XRN1: variants seen among roughly 807,000 people sequenced by gnomAD.
XRN1 encodes strand-exchange protein 1 homolog.
XRN1 carries 67 observed loss-of-function variants against 222.3 expected under a neutral mutation model. The ratio of observed to expected loss-of-function variants is 0.30; its 90% confidence interval spans 0.25 to 0.37. XRN1 has a LOEUF of 0.37. Among genes scored for constraint, XRN1 ranks in the 10% least tolerant of loss-of-function variants. XRN1 has a pLI of 1.00. For missense variants in XRN1, 1,707 were observed against 2,000.2 expected (o/e 0.85, Z 2.80); for synonymous variants, 643 against 652.4 (o/e 0.99, Z 0.22).
intron 29 of XRN1, among the ~76,000 whole-genome samples, chr3:142,362,830 G>A (rs1176761723): frequency 6.7e-6 from 1 of 149,916 alleles, no homozygotes; most frequent in East Asian, 2.0e-4. Context: ...GAGTGCAGTG[G>A]TGCAATCATG....
chr3:142,431,996 G>GTATATATTATATAT (rs1559880263), intron 2 of XRN1, among the ~76,000 whole-genome samples: 4 of 33,424 alleles, frequency 1.2e-4, no homozygotes, highest in African/African-American at 9.4e-4. Flanking sequence ...ATAATATATT[G>GTATATATTATATAT]TATATATATA....
chr3:142,365,625 A>G (rs1376793352), intron 27 of XRN1, among the ~76,000 whole-genome samples: 4 of 152,158 alleles, frequency 2.6e-5, no homozygotes, highest in African/African-American at 4.8e-5. Flanking sequence ...ATGCAAAATT[A>G]TAAGTATATA....
chr3:142,407,247 G>A (rs1196889424), intron 15 of XRN1, among the ~76,000 whole-genome samples: 1 of 152,178 alleles, frequency 6.6e-6, no homozygotes, highest in Admixed American at 6.5e-5. Flanking sequence ...CCTGGCAAAC[G>A]TGTCATTGAA....
In XRN1 at chr3:142,318,771, A is replaced by G. The variant is rs1291971175; in HGVS notation, c.4518+19T>C. On this transcript the variant is annotated intron_variant, in intron 38 of 40. Transcript: ENST00000392981. ...GGACTAATAAAAATTTTAATAGAGA[A>G]GTCATGGACAGTTCTTACCAACTGT... 1 of 1,612,468 alleles carries G rather than the reference A, an allele frequency of 6.2e-7. No homozygotes were observed. Among genetic ancestry groups the G allele is most frequent in the Non-Finnish European group, 8.5e-7 (1 of 1,178,916 alleles).
intron 8 of XRN1, 152 bp downstream of exon 8, chr3:142,422,430 C>A: frequency 1.4e-6 from 1 of 700,968 alleles, no homozygotes; most frequent in Non-Finnish European, 2.3e-6. Context: ...CTGAAAATGA[C>A]AACCTCAGAG....
Position 142,312,514 on chromosome 3 carries a change from A to G in XRN1, c.4782+84T>C, listed in dbSNP as rs185827363. The G allele has an allele frequency of 1.6e-4, 222 of 1,372,982 alleles. No individual in the cohort carries two copies. The African/African-American group carries it at 2.6e-3, about 16-fold the overall frequency. 85.0% of individuals were successfully genotyped at this position (1,372,982 alleles called of 1,614,324 possible). A position where few individuals can be genotyped will look rare whatever the true frequency, so the allele number is the denominator to read the frequency against. On this transcript the variant is annotated intron_variant, in intron 40 of 40. Transcript: ENST00000392981. ...GTACTGAACTTCTAGTTGGCACTGA[A>G]TAAGTAAACTGAATAAAAAAATGTT...
chr3:142,326,619 T>A (rs1218284243), intron 37 of XRN1, among the ~76,000 whole-genome samples: 5 of 152,168 alleles, frequency 3.3e-5, no homozygotes, highest in Non-Finnish European at 5.9e-5. Context: ...GGATGCCTTT[T>A]ATTTATTTCT....
Position 142,370,533 on chromosome 3 carries a change from C to A in XRN1, c.3156G>T (p.Leu1052=). Residue 1052 remains leucine (L), a synonymous_variant, in exon 27 of 41, where the codon CTG becomes CTT. Coordinates refer to ENST00000392981, the MANE Select transcript of XRN1 (RefSeq NM_001282857.2). The part of the protein sequence containing the change: ...LSRSSCDLQI[L]DAAIVEKIEE... ...CAATTTTCTCAACAATAGCTGCATC[C>A]AGAATTTGTAAATCACAAGAAGAAC... 6.2e-7 allele frequency: 1 copy of A among 1,607,072 alleles called. No individual in the cohort carries two copies. Among genetic ancestry groups the A allele is most frequent in the African/African-American group, 1.3e-5 (1 of 74,626 alleles).
At chr3:142,404,705 T>C (rs918178788) in intron 16 of XRN1, among the ~76,000 whole-genome samples, 11 of 152,154 alleles carry the variant, frequency 7.2e-5, no homozygotes, top group Non-Finnish European at 1.3e-4. Flanking sequence ...CTGACCAAAG[T>C]AGAGAATTAT....
chr3:142,426,462 A>G (rs2069250525), intron 3 of XRN1: 1 of 314,758 alleles, frequency 3.2e-6, no homozygotes, highest in South Asian at 5.2e-5. Flanking sequence ...ACAGAAAGAT[A>G]TATAAACATA....
At chr3:142,321,177 T>G (rs1484896931) in intron 37 of XRN1, among the ~76,000 whole-genome samples, 3 of 144,114 alleles carry the variant, frequency 2.1e-5, no homozygotes, top group Non-Finnish European at 4.5e-5. Context: ...TGGAATGCAG[T>G]AGCGTGATCT....
At chr3:142,404,096 G>T in intron 16 of XRN1, 107 bp from the exon 17 acceptor site, 2 of 970,450 alleles carry the variant, frequency 2.1e-6, no homozygotes, top group Non-Finnish European at 3.0e-6. Context: ...TGCTTTTAAA[G>T]AAGAGAATGA....
intron 31 of XRN1, 124 bp downstream of exon 31, chr3:142,356,788 C>CAAAT: frequency 9.7e-7 from 1 of 1,034,840 alleles, no homozygotes; most frequent in Non-Finnish European, 1.4e-6. Context: ...TGGAATTGAC[C>CAAAT]TGAGCCAAAA....
rs772895269 is a variant in XRN1, at chr3:142,384,663, T to C, written c.2362A>G (p.Ile788Val). ...SEHYLRRKGI[I>V]INETSAVVYA... ...ACAACTGCAGATGTTTCATTTATTA[T>C]TATTCCTTTTCTTCTCAGGTAGCTA... Residue 788 changes from isoleucine (I) to valine (V), a missense_variant, in exon 21 of 41, where the codon ATA (isoleucine) becomes GTA (valine). Physicochemically the swap from Ile to Val is conservative, Grantham distance 29. This residue lies in a region of XRN1 where 1,234 missense variants were observed against 1,518.2 expected (regional missense o/e 0.81). Coordinates refer to ENST00000392981, the MANE Select transcript of XRN1 (RefSeq NM_001282857.2). 16 of 1,595,206 alleles carry C rather than the reference T, an allele frequency of 1.0e-5. No individual in the cohort carries two copies. The highest frequency in any genetic ancestry group is 3.6e-5 in the Admixed American group (2 of 56,184).
At position 142,311,585 on chromosome 3, in the gene XRN1, T is replaced by A; in HGVS notation, c.5011A>T (p.Thr1671Ser). The change falls in exon 41 of 41, where the codon ACA becomes TCA. Residue 1671 changes from threonine (T) to serine (S), a missense_variant. Coordinates refer to ENST00000392981, the MANE Select transcript of XRN1 (RefSeq NM_001282857.2). ...QGHSISHHKS[T>S]PISSSRRKSR... ...TTTCTTCTTGAAGAAGAGATTGGTG[T>A]TGACTTATGGTGAGATATACTATGG... 4 of 1,614,030 alleles carry A rather than the reference T, an allele frequency of 2.5e-6. No individual in the cohort carries two copies. The highest frequency in any genetic ancestry group is 2.5e-6 in the Non-Finnish European group (3 of 1,179,928).
intron 27 of XRN1, among the ~76,000 whole-genome samples, chr3:142,366,612 T>C (rs188117588): frequency 1.3e-5 from 2 of 152,196 alleles, no homozygotes; most frequent in East Asian, 3.9e-4. Flanking sequence ...ATGAAGCAGT[T>C]AAGGAGGACA....
At position 142,397,421 on chromosome 3, in the gene XRN1, A is replaced by G. The variant is rs1260245328; in HGVS notation, c.2247T>C (p.Tyr749=). 2.5e-6 allele frequency: 4 copies of G among 1,608,862 alleles called. No individual in the cohort carries two copies. The highest frequency in any genetic ancestry group is 3.4e-6 in the Non-Finnish European group (4 of 1,177,094). The stretch of plus-strand genomic sequence containing the variant: ...TAGATGGTGGGGCAGTTCTTCCTGA[A>G]TAAAGCTTCTGTGTTCCTGGAGGTT... The part of the protein sequence containing the change: ...LEEPPGTQKL[Y]SGRTAPPSKV... Residue 749 remains tyrosine (Y), a synonymous_variant, in exon 20 of 41, where the codon TAT becomes TAC. Coordinates refer to ENST00000392981, the MANE Select transcript of XRN1 (RefSeq NM_001282857.2).
intron 20 of XRN1, among the ~76,000 whole-genome samples, chr3:142,387,914 G>C (rs1348856263): frequency 1.3e-5 from 2 of 152,110 alleles, no homozygotes; most frequent in East Asian, 3.9e-4. Flanking sequence ...CTTGCCATGT[G>C]ATCTGTACAC....
chr3:142,316,382 A>T (rs1166148349), intron 39 of XRN1, among the ~76,000 whole-genome samples: 5 of 151,410 alleles, frequency 3.3e-5, no homozygotes. Flanking sequence ...ATGTCTGGCT[A>T]CCTTTGTATT....
Sources: allele counts gnomAD v4.1 joint callset (sites outside exome capture counted in the v4.1 genomes callset), GRCh38; gene constraint gnomAD v4.1.1; regional missense constraint gnomAD v4.1.1; transcripts MANE v1.5; gene names NCBI Gene and HGNC (gene_info 2026-07-23, HGNC 2026-07-21).